The following CTNNA2 variants were observed in gnomAD, a reference collection of about 807,000 sequenced individuals.
CTNNA2 encodes the protein catenin alpha 2.
In CTNNA2, 42 loss-of-function variants were observed where a neutral mutation model predicts 101.0. That is an observed-to-expected ratio of 0.42 (90% CI 0.32 to 0.54). The LOEUF is 0.54. CTNNA2 is among the 20% of genes least tolerant of loss of function. The pLI is 0.14. For synonymous variants in CTNNA2, 450 were observed against 456.4 expected (o/e 0.99, Z 0.18); for missense variants, 871 against 1,223.1 (o/e 0.71, Z 4.29).
chr2:79,917,075 A>C (rs986698968), intron 7 of CTNNA2, among the ~76,000 whole-genome samples: 4 of 86,874 alleles, frequency 4.6e-5, no homozygotes, highest in Non-Finnish European at 8.9e-5. Flanking sequence ...TTATTTATTT[A>C]TTTATTTATT....
chr2:79,556,403 C>T (rs1028945710), intron 1 of CTNNA2, among the ~76,000 whole-genome samples: 1 of 152,002 alleles, frequency 6.6e-6, no homozygotes, highest in African/African-American at 2.4e-5. Context: ...TGTGTACTGA[C>T]CCCAGCTAGC....
chr2:79,505,918 C>G (rs2103812077), intron 5 of CTNNA2, among the ~76,000 whole-genome samples: 1 of 152,304 alleles, frequency 6.6e-6, no homozygotes, highest in African/African-American at 2.4e-5. Flanking sequence ...ACCCAATACA[C>G]AAGTGTCAAA....
At chr2:80,254,055 C>G (rs1671959634) in intron 7 of CTNNA2, among the ~76,000 whole-genome samples, 1 of 152,050 alleles carries the variant, frequency 6.6e-6, no homozygotes, top group South Asian at 2.1e-4. Context: ...CAGTTGAATT[C>G]AAATCCTAGG....
intron 3 of CTNNA2, among the ~76,000 whole-genome samples, chr2:79,326,005 C>T (rs952461343): frequency 5.9e-5 from 9 of 152,042 alleles, no homozygotes; most frequent in African/African-American, 2.2e-4. Flanking sequence ...TAGAGGTGGA[C>T]GTTTATGATG....
intron 7 of CTNNA2, among the ~76,000 whole-genome samples, chr2:80,043,119 C>CCTTCCT (rs1331687097): frequency 1.2e-4 from 6 of 52,016 alleles, no homozygotes; most frequent in Non-Finnish European, 2.5e-4. Flanking sequence ...CTCTTTCTTT[C>CCTTCCT]TCCTTCCTTC....
At chr2:80,594,885 T>C (rs1157966643) in intron 15 of CTNNA2, among the ~76,000 whole-genome samples, 1 of 152,088 alleles carries the variant, frequency 6.6e-6, no homozygotes, top group South Asian at 2.1e-4. Context: ...TATGTCTGTC[T>C]GTATGCCAGT....
intron 6 of CTNNA2, among the ~76,000 whole-genome samples, chr2:79,908,210 G>A (rs968318999): frequency 1.5e-4 from 23 of 151,986 alleles, no homozygotes; most frequent in Admixed American, 1.4e-3. Context: ...GTAGGTCTTC[G>A]GCAGGTGCAG....
intron 12 of CTNNA2, among the ~76,000 whole-genome samples, chr2:80,567,281 A>G (rs1420621421): frequency 1.3e-5 from 2 of 152,176 alleles, no homozygotes; most frequent in South Asian, 2.1e-4. Flanking sequence ...GCCAGCTTCT[A>G]TGATTTGTCA....
At chr2:80,168,287 T>A (rs1275613859) in intron 7 of CTNNA2, among the ~76,000 whole-genome samples, 1 of 152,174 alleles carries the variant, frequency 6.6e-6, no homozygotes, top group Non-Finnish European at 1.5e-5. Flanking sequence ...AAGTAAGATT[T>A]TATCAAAACC....
At chr2:79,984,753 A>T (rs956086237) in intron 7 of CTNNA2, among the ~76,000 whole-genome samples, 1 of 152,056 alleles carries the variant, frequency 6.6e-6, no homozygotes, top group Non-Finnish European at 1.5e-5. Context: ...TCCCTGACCC[A>T]TCCTTCTGCC....
At chr2:79,748,457 G>T (rs532779329) in intron 3 of CTNNA2, among the ~76,000 whole-genome samples, 3 of 152,058 alleles carry the variant, frequency 2.0e-5, no homozygotes, top group Non-Finnish European at 4.4e-5. Context: ...TTTATTAAAT[G>T]ATATGTTGTG....
chr2:79,745,662 A>G (rs577679718), intron 3 of CTNNA2, among the ~76,000 whole-genome samples: 1 of 152,238 alleles, frequency 6.6e-6, no homozygotes, highest in African/African-American at 2.4e-5. Context: ...TAAATACCTC[A>G]TATAAGTGGA....
chr2:79,265,165 A>G (rs893420996), intron 2 of CTNNA2, among the ~76,000 whole-genome samples: 3 of 152,228 alleles, frequency 2.0e-5, no homozygotes, highest in Admixed American at 2.0e-4. Flanking sequence ...TCTGCCTCAA[A>G]TTGCCGGTTG....
intron 7 of CTNNA2, among the ~76,000 whole-genome samples, chr2:80,164,515 T>C (rs1704533485): frequency 6.6e-6 from 1 of 152,116 alleles, no homozygotes; most frequent in Non-Finnish European, 1.5e-5. Context: ...AGTGTTGTAA[T>C]TTTATAATTT....
At position 79,968,824 on chromosome 2, in the gene CTNNA2, A is replaced by G. The variant is rs146627913; in HGVS notation, c.1056+59027A>G. On this transcript the variant is annotated intron_variant, in intron 7 of 18. Coordinates refer to ENST00000402739, the MANE Select transcript of CTNNA2 (RefSeq NM_001282597.3). ...GAAGTTCAAGTGTTTACATGGCATG[A>G]CCCTTCTTTTTTTTTTTACTTTGAA... Among the ~76,000 whole-genome samples, 1,214 of 134,186 alleles carry G rather than the reference A, an allele frequency of 9.0e-3. 18 individuals carry two copies. The highest frequency in any genetic ancestry group is 0.029 in the African/African-American group (1,130 of 39,582). The allele number at this position is 134,186 out of a possible 152,430, so 88.0% of individuals were successfully genotyped here.
At chr2:80,206,125 C>T (rs1424747441) in intron 7 of CTNNA2, among the ~76,000 whole-genome samples, 1 of 152,178 alleles carries the variant, frequency 6.6e-6, no homozygotes, top group Non-Finnish European at 1.5e-5. Context: ...AGCATATTCT[C>T]CTTAATCATA....
intron 15 of CTNNA2, among the ~76,000 whole-genome samples, chr2:80,592,226 C>A (rs1370704865): frequency 6.6e-6 from 1 of 152,060 alleles, no homozygotes; most frequent in African/African-American, 2.4e-5. Context: ...CTATATTTCC[C>A]AAACTTGATT....
At position 79,579,195 on chromosome 2, in the gene CTNNA2, C is replaced by T. The variant is rs190284923; in HGVS notation, c.-6+65988C>T. 2.3e-3 allele frequency among the ~76,000 whole-genome samples: 345 copies of T among 148,916 alleles called. 2 individuals carry two copies. Among genetic ancestry groups the T allele is most frequent in the African/African-American group, 8.3e-3 (335 of 40,390 alleles). The stretch of plus-strand genomic sequence containing the variant: ...AATTTCCTTCCTTCCTTCCTTTCTT[C>T]CTTCCTTCCTCCTTCCCTCCCTCCC... On this transcript the variant is annotated intron_variant, in intron 1 of 18. Coordinates refer to ENST00000402739, the MANE Select transcript of CTNNA2 (RefSeq NM_001282597.3).
chr2:79,480,685 T>C (rs1370128782), intron 4 of CTNNA2, among the ~76,000 whole-genome samples: 1 of 152,226 alleles, frequency 6.6e-6, no homozygotes, highest in Admixed American at 6.5e-5. Flanking sequence ...GCTCACTGTG[T>C]GATTTTCTGG....
Sources: gnomAD v4.1 joint callset for allele counts (sites outside exome capture counted in the v4.1 genomes callset) on GRCh38, gnomAD v4.1.1 for gene constraint, MANE v1.5 for transcripts, NCBI Gene and HGNC (gene_info 2026-07-23, HGNC 2026-07-21) for gene names.